Variants in FANCB observed in about 807,000 individuals in gnomAD.
The protein encoded by FANCB is Fanconi anemia group B protein.
FANCB carries 5 observed loss-of-function variants against 38.9 expected under a neutral mutation model. That is an observed-to-expected ratio of 0.13 (90% CI 0.07 to 0.27). The LOEUF is 0.27. Among genes scored for constraint, FANCB ranks in the 10% least tolerant of loss-of-function variants. The pLI is 1.00. For missense variants in FANCB, 573 were observed against 602.7 expected (o/e 0.95, Z 0.52); for synonymous variants, 236 against 215.4 (o/e 1.10, Z -0.84).
Position 14,865,425 on chromosome X carries a change from T to C in FANCB, c.86A>G (p.Lys29Arg). 1 of 1,208,399 alleles carries C rather than the reference T, an allele frequency of 8.3e-7. No homozygotes were observed. The highest frequency in any genetic ancestry group is 1.1e-6 in the Non-Finnish European group (1 of 893,988). Reference protein sequence around the residue: ...NGEVLVFQLSKGNFADKEPTK... With the variant: ...NGEVLVFQLSRGNFADKEPTK... Reference sequence around the variant, plus strand: ...AGGCTCTTTATCTGCAAAATTTCCTTTAGACAACTGGAAAACAAGGACTTC... The same window carrying C: ...AGGCTCTTTATCTGCAAAATTTCCTCTAGACAACTGGAAAACAAGGACTTC... Residue 29 changes from lysine (K) to arginine (R), a missense_variant, in exon 3 of 10, where the codon AAA becomes AGA. Lys to Arg is a conservative substitution (Grantham distance 26). Coordinates refer to ENST00000650831, the MANE Select transcript of FANCB (RefSeq NM_001018113.3).
At position 14,862,879 on chromosome X, in the gene FANCB, T is replaced by C. The variant is rs538896925; in HGVS notation, c.951+1681A>G. On this transcript the variant is annotated intron_variant, in intron 3 of 9. Coordinates refer to ENST00000650831, the MANE Select transcript of FANCB (RefSeq NM_001018113.3). ...ACCCAGGGTACGTGTGTTCTTTCTATTATATTACCTTGACTACAGTAAAAC... is the reference window on the plus strand; with the variant it reads ...ACCCAGGGTACGTGTGTTCTTTCTACTATATTACCTTGACTACAGTAAAAC... Among the ~76,000 whole-genome samples the C allele has an allele frequency of 1.4e-3, 155 of 112,072 alleles. 2 individuals carry two copies. In the South Asian group the frequency reaches 0.055, roughly 40 times the overall value.
At chrX:14,761,591 T>C in the FANCB span, among the ~76,000 whole-genome samples, 1 of 111,282 alleles carries the variant, frequency 9.0e-6, no homozygotes, top group Non-Finnish European at 1.9e-5. Flanking sequence ...AATTGAGTGA[T>C]GCACCAGGAA....
At chrX:14,730,193 CT>C in the FANCB span, 1 of 1,184,965 alleles carries the variant, frequency 8.4e-7, no homozygotes, top group Non-Finnish European at 1.1e-6. Flanking sequence ...CTTCCTCTGT[CT>C]TTATTCCGTC....
At chrX:14,705,561 G>A in the FANCB span, among the ~76,000 whole-genome samples, 1 of 112,148 alleles carries the variant, frequency 8.9e-6, no homozygotes. Flanking sequence ...GAGGACTGAG[G>A]TTTAGCTTCA....
chrX:14,819,969 T>A, the FANCB span, among the ~76,000 whole-genome samples: 1 of 111,422 alleles, frequency 9.0e-6, no homozygotes, highest in Non-Finnish European at 1.9e-5. Flanking sequence ...ACTTCCTTGT[T>A]TAAAACAAGT....
chrX:14,765,870 C>T, the FANCB span, among the ~76,000 whole-genome samples: 1 of 111,923 alleles, frequency 8.9e-6, no homozygotes, highest in African/African-American at 3.2e-5. Context: ...ATGATTTACA[C>T]ATTATTAAAC....
chrX:14,808,957 T>C, the FANCB span, among the ~76,000 whole-genome samples: 1 of 112,115 alleles, frequency 8.9e-6, no homozygotes, highest in African/African-American at 3.2e-5. Context: ...CCATTTACAA[T>C]AGCTACAAAT....
the FANCB span, among the ~76,000 whole-genome samples, chrX:14,821,137 T>C: frequency 8.9e-6 from 1 of 111,830 alleles, no homozygotes; most frequent in African/African-American, 3.2e-5. Flanking sequence ...TTTTTTTTGC[T>C]ATAAAGATAA....
At chrX:14,763,243 C>T in the FANCB span, among the ~76,000 whole-genome samples, 1 of 112,093 alleles carries the variant, frequency 8.9e-6, no homozygotes, top group African/African-American at 3.2e-5. Flanking sequence ...TTCACAGCAA[C>T]ACTATACATA....
At chrX:14,749,150 C>A in the FANCB span, among the ~76,000 whole-genome samples, 12 of 111,567 alleles carry the variant, frequency 1.1e-4, no homozygotes, top group Admixed American at 1.1e-3. Flanking sequence ...GGCCTTGGAG[C>A]GAAATGGTAC....
chrX:14,796,725 C>G, the FANCB span, among the ~76,000 whole-genome samples: 5 of 100,347 alleles, frequency 5.0e-5, no homozygotes, highest in African/African-American at 1.5e-4. Context: ...CACATATACA[C>G]AGAGAGAGAG....
chrX:14,786,174 C>A, the FANCB span, among the ~76,000 whole-genome samples: 2 of 111,139 alleles, frequency 1.8e-5, no homozygotes, highest in African/African-American at 6.6e-5. Context: ...CTGGGGAAAT[C>A]AGGTGTGATG....
At chrX:14,861,178 C>T (rs895821135) in intron 3 of FANCB, among the ~76,000 whole-genome samples, 6 of 111,679 alleles carry the variant, frequency 5.4e-5, no homozygotes, top group African/African-American at 2.0e-4. Flanking sequence ...GCCACTACAC[C>T]CGGCCAATGA....
the FANCB span, among the ~76,000 whole-genome samples, chrX:14,820,481 T>C: frequency 1.8e-5 from 2 of 112,229 alleles, no homozygotes; most frequent in Non-Finnish European, 3.8e-5. Context: ...TGTTCTTTTT[T>C]GTTTTCCAAC....
the FANCB span, among the ~76,000 whole-genome samples, chrX:14,741,230 T>G: frequency 9.0e-6 from 1 of 111,535 alleles, no homozygotes. Flanking sequence ...CTTAAGTAGG[T>G]TTTGAGTCTA....
chrX:14,819,676 C>T, the FANCB span, among the ~76,000 whole-genome samples: 1 of 112,192 alleles, frequency 8.9e-6, no homozygotes, highest in Non-Finnish European at 1.9e-5. Context: ...GAGTGAAGTA[C>T]TGTGAAGATC....
At chrX:14,820,122 T>C in the FANCB span, among the ~76,000 whole-genome samples, 1 of 111,110 alleles carries the variant, frequency 9.0e-6, no homozygotes, top group Admixed American at 9.6e-5. Flanking sequence ...CCCATCCCTC[T>C]TCCCTAGTCC....
chrX:14,700,573 G>C, the FANCB span, among the ~76,000 whole-genome samples: 2 of 111,800 alleles, frequency 1.8e-5, no homozygotes, highest in African/African-American at 6.5e-5. Flanking sequence ...TAAAAGCTAA[G>C]AAGCAGCCAT....
At chrX:14,798,396 T>A in the FANCB span, among the ~76,000 whole-genome samples, 1 of 111,463 alleles carries the variant, frequency 9.0e-6, no homozygotes, top group Admixed American at 9.5e-5. Context: ...TCTCCTGACA[T>A]CGTGATCCAC....
Sources: allele counts gnomAD v4.1 joint callset (sites outside exome capture counted in the v4.1 genomes callset), GRCh38; gene constraint gnomAD v4.1.1; transcripts MANE v1.5; gene names NCBI Gene and HGNC (gene_info 2026-07-23, HGNC 2026-07-21).